Variants in UBE2U observed in about 807,000 individuals in gnomAD.
The protein encoded by UBE2U is ubiquitin-conjugating enzyme E2 U.
Under a neutral mutation model 41.2 loss-of-function variants are expected in UBE2U, and 39 were observed. That is an observed-to-expected ratio of 0.95 (90% CI 0.73 to 1.24). The LOEUF (loss-of-function observed/expected upper bound fraction) is 1.24. Ranked by LOEUF, UBE2U falls within the 50% of genes most tolerant of loss-of-function variation. The pLI is 0.00. For synonymous variants in UBE2U, 107 were observed against 117.8 expected, an observed-to-expected ratio of 0.91 and a Z score of 0.60; for missense variants, 336 against 363.1, an observed-to-expected ratio of 0.93 and a Z score of 0.61.
chr1:64,246,219 A>C (rs1235172240), intron 8 of UBE2U, among the ~76,000 whole-genome samples: 1 of 152,170 alleles, frequency 6.6e-6, no homozygotes, highest in Non-Finnish European at 1.5e-5. Context: ...CCCACTCTGG[A>C]CTTAGTTGTC....
intron 7 of UBE2U, among the ~76,000 whole-genome samples, chr1:64,240,414 C>T (rs1479539524): frequency 6.6e-6 from 1 of 152,164 alleles, no homozygotes; most frequent in Non-Finnish European, 1.5e-5. Flanking sequence ...CTTAGTATTG[C>T]TCCAGAGGTT....
chr1:64,239,071 AGAGGAAGAGGAAGAGGAAGAG>A (rs1644730779), intron 7 of UBE2U, among the ~76,000 whole-genome samples: 2 of 67,730 alleles, frequency 3.0e-5, no homozygotes, highest in Non-Finnish European at 5.7e-5. Flanking sequence ...AAGAAGAGGA[AGAGGAAGAGGAAGAGGAAGAG>A]GAAGAAGAAG....
intron 8 of UBE2U, 150 bp from the exon 9 acceptor site, chr1:64,260,453 A>T: frequency 1.7e-6 from 1 of 580,706 alleles, no homozygotes; most frequent in Non-Finnish European, 2.9e-6. Flanking sequence ...CTTTACCATT[A>T]AATTAGTCAA....
At chr1:64,215,813 CT>C (rs757545063) in intron 5 of UBE2U, among the ~76,000 whole-genome samples, 5 of 152,086 alleles carry the variant, frequency 3.3e-5, no homozygotes, top group Non-Finnish European at 7.3e-5. Flanking sequence ...TCCATTGCCC[CT>C]GTGCGCTCTC....
chr1:64,223,769 T>C (rs919032642), intron 6 of UBE2U, among the ~76,000 whole-genome samples: 4 of 152,066 alleles, frequency 2.6e-5, no homozygotes, highest in African/African-American at 9.7e-5. Context: ...CAAGTTTTCA[T>C]AGGAGGTGAT....
chr1:64,228,686 C>CTTTT (rs59774097), intron 6 of UBE2U, among the ~76,000 whole-genome samples: 13 of 95,730 alleles, frequency 1.4e-4, no homozygotes, highest in African/African-American at 4.6e-4. Context: ...CTCTCTCTCT[C>CTTTT]TTTTTTTTTT....
chr1:64,204,220 T>G, intron 1 of UBE2U, 104 bp downstream of exon 1: 1 of 950,528 alleles, frequency 1.1e-6, no homozygotes. Context: ...TAAACCTGAT[T>G]TGCCACTACA....
chr1:64,224,712 G>A (rs1652739786), intron 6 of UBE2U, among the ~76,000 whole-genome samples: 1 of 142,950 alleles, frequency 7.0e-6, no homozygotes, highest in African/African-American at 2.5e-5. Context: ...AACAGAGCGA[G>A]ACTCTGTGTC....
chr1:64,247,290 C>T (rs1233248171), intron 8 of UBE2U, among the ~76,000 whole-genome samples: 2 of 152,154 alleles, frequency 1.3e-5, no homozygotes. Context: ...TCCAGTGGAA[C>T]CACCCCTACT....
chr1:64,235,848 T>C (rs956720578), intron 7 of UBE2U, among the ~76,000 whole-genome samples: 1 of 152,212 alleles, frequency 6.6e-6, no homozygotes, highest in African/African-American at 2.4e-5. Context: ...TATTCAATTA[T>C]TCAACCAACA....
At chr1:64,241,755 G>C in intron 8 of UBE2U, 22 bp downstream of exon 8, 2 of 1,552,566 alleles carry the variant, frequency 1.3e-6, no homozygotes, top group Non-Finnish European at 1.8e-6. Context: ...GAAGTGCCTT[G>C]AATGTGTACA....
At chr1:64,237,848 A>G (rs764157574) in intron 7 of UBE2U, among the ~76,000 whole-genome samples, 2 of 152,234 alleles carry the variant, frequency 1.3e-5, no homozygotes, top group Non-Finnish European at 2.9e-5. Context: ...TTCATAATAT[A>G]TAAGGAAGAG....
At chr1:64,226,456 C>A (rs1038600720) in intron 6 of UBE2U, among the ~76,000 whole-genome samples, 2 of 152,176 alleles carry the variant, frequency 1.3e-5, no homozygotes, top group Non-Finnish European at 2.9e-5. Flanking sequence ...CAGATGTACA[C>A]TTTTGTATCA....
At chr1:64,234,704 A>C (rs1373799099) in intron 7 of UBE2U, among the ~76,000 whole-genome samples, 1 of 152,204 alleles carries the variant, frequency 6.6e-6, no homozygotes, top group Non-Finnish European at 1.5e-5. Flanking sequence ...CAGCTCTATC[A>C]GTATAAAATA....
intron 7 of UBE2U, among the ~76,000 whole-genome samples, chr1:64,234,227 A>T (rs371421478): frequency 2.6e-5 from 4 of 152,214 alleles, no homozygotes; most frequent in African/African-American, 9.6e-5. Flanking sequence ...AAGTGAATTC[A>T]TCATCTTGCC....
At chr1:64,250,959 T>C (rs979249706) in intron 8 of UBE2U, among the ~76,000 whole-genome samples, 11 of 151,618 alleles carry the variant, frequency 7.3e-5, no homozygotes, top group African/African-American at 2.7e-4. Context: ...ATACACCTAA[T>C]GTTAAATGAC....
At chr1:64,208,669 G>A (rs1370121945) in intron 3 of UBE2U, among the ~76,000 whole-genome samples, 3 of 113,798 alleles carry the variant, frequency 2.6e-5, no homozygotes, top group African/African-American at 6.5e-5. Flanking sequence ...CAACAGCAAT[G>A]TTAGAAATAG....
At chr1:64,204,531 C>A (rs1044828276) in intron 1 of UBE2U, among the ~76,000 whole-genome samples, 5 of 152,136 alleles carry the variant, frequency 3.3e-5, no homozygotes, top group African/African-American at 1.2e-4. Context: ...GGTTTTTGGA[C>A]TTCAAAGCCC....
Position 64,258,245 on chromosome 1 carries a change from G to T in UBE2U, c.678-2358G>T, listed in dbSNP as rs549812613. 2.1e-3 allele frequency among the ~76,000 whole-genome samples: 323 copies of T among 152,186 alleles called. 3 individuals are homozygous for T. The highest frequency in any genetic ancestry group is 7.5e-3 in the African/African-American group (310 of 41,532). Reference sequence around the variant, plus strand: ...TAAAATAGTGTCTGGCACAAGGTTGGTGTTCAATGAATATTTATTAAATGA... The same window carrying T: ...TAAAATAGTGTCTGGCACAAGGTTGTTGTTCAATGAATATTTATTAAATGA... On this transcript the variant is annotated intron_variant, in intron 8 of 9. Coordinates refer to ENST00000371077, the MANE Select transcript of UBE2U (RefSeq NM_001366232.2).
Sources: gnomAD v4.1 joint callset for allele counts (sites outside exome capture counted in the v4.1 genomes callset) on GRCh38, gnomAD v4.1.1 for gene constraint, MANE v1.5 for transcripts, NCBI Gene and HGNC (gene_info 2026-07-23, HGNC 2026-07-21) for gene names.